The following MARCHF1 variants were observed in gnomAD, a reference collection of about 807,000 sequenced individuals.
MARCHF1 encodes E3 ubiquitin-protein ligase MARCHF1.
Under a neutral mutation model 54.2 loss-of-function variants are expected in MARCHF1, and 40 were observed. The ratio of observed to expected loss-of-function variants is 0.74; its 90% CI spans 0.57 to 0.96. The LOEUF is 0.96. Ranked by LOEUF, MARCHF1 falls within the 40% of genes least tolerant of loss-of-function variation. The pLI is 0.00. For missense variants in MARCHF1, 586 were observed against 656.5 expected, an observed-to-expected ratio of 0.89 and a Z score of 1.17; for synonymous variants, 236 against 236.3, an observed-to-expected ratio of 1.00 and a Z score of 0.01.
intron 1 of MARCHF1, among the ~76,000 whole-genome samples, chr4:164,346,146 T>C (rs1397335166): frequency 6.6e-6 from 1 of 152,196 alleles, no homozygotes; most frequent in Non-Finnish European, 1.5e-5. Context: ...GAACTGAGAC[T>C]TTGTTCTCAT....
chr4:163,619,677 TA>T (rs1560978093), intron 5 of MARCHF1, among the ~76,000 whole-genome samples: 1 of 151,928 alleles, frequency 6.6e-6, no homozygotes, highest in Non-Finnish European at 1.5e-5. Context: ...GGTAGGTTAT[TA>T]AAAAAATGGC....
In MARCHF1 at chr4:164,208,910, A is replaced by G. The variant is rs183232512; in HGVS notation, c.-322-97248T>C. Among the ~76,000 whole-genome samples the G allele has an allele frequency of 9.2e-5, 14 of 151,514 alleles. No individual in the cohort carries two copies. The East Asian group carries it at 1.2e-3, about 13-fold the overall frequency. On this transcript the variant is annotated intron_variant, in intron 1 of 9. Coordinates refer to ENST00000514618, the MANE Select transcript of MARCHF1 (RefSeq NM_001394959.1). ...GGTTGCAGTGAGCTGAGATCATACT[A>G]CTCTAGTTTAGGCAACAGAGTAATA...
chr4:164,299,868 C>A (rs10471093), intron 1 of MARCHF1, among the ~76,000 whole-genome samples: 4,687 of 152,150 alleles, frequency 0.031, 251 homozygotes, highest in African/African-American at 0.11. Flanking sequence ...ATTATGGATT[C>A]TTTTCTATAA....
chr4:163,755,920 T>A (rs1040821818), intron 4 of MARCHF1, among the ~76,000 whole-genome samples: 1 of 152,192 alleles, frequency 6.6e-6, no homozygotes, highest in African/African-American at 2.4e-5. Flanking sequence ...TGAACTCAAA[T>A]TACTGGGCTT....
Position 163,621,908 on chromosome 4 carries a change from T to A in MARCHF1, c.163-8515A>T, listed in dbSNP as rs1156417703. On this transcript the variant is annotated intron_variant, in intron 5 of 9. Coordinates refer to ENST00000514618, the MANE Select transcript of MARCHF1 (RefSeq NM_001394959.1). ...AGCACGACTCTTGTTCTTCCCTTCC[T>A]GGGAGGACTATGTGCCTTTCAGGCC... 2.6e-5 allele frequency among the ~76,000 whole-genome samples: 4 copies of A among 152,236 alleles called. No individual in the cohort carries two copies. The South Asian group carries it at 8.3e-4, about 32-fold the overall frequency.
chr4:164,264,533 G>T (rs532317507), intron 1 of MARCHF1, among the ~76,000 whole-genome samples: 1 of 151,894 alleles, frequency 6.6e-6, no homozygotes, highest in East Asian at 1.9e-4. Context: ...CTGGTAATAT[G>T]TAATATGAAA....
intron 1 of MARCHF1, among the ~76,000 whole-genome samples, chr4:164,161,545 T>G (rs6419309): frequency 0.033 from 4,914 of 150,826 alleles, 214 homozygotes; most frequent in African/African-American, 0.1. Flanking sequence ...ATCATCATCA[T>G]CAGCAGCAGC....
At chr4:164,193,955 A>G (rs998328879) in intron 1 of MARCHF1, among the ~76,000 whole-genome samples, 10 of 152,342 alleles carry the variant, frequency 6.6e-5, no homozygotes, top group Middle Eastern at 6.8e-3. Context: ...TAGGGCTTTT[A>G]GCACATTCTA....
chr4:163,954,443 C>G (rs544043882), intron 3 of MARCHF1, among the ~76,000 whole-genome samples: 1 of 151,874 alleles, frequency 6.6e-6, no homozygotes, highest in South Asian at 2.1e-4. Flanking sequence ...TTTAGAGATG[C>G]GTAAAAACAA....
At chr4:163,624,996 A>G (rs545637792) in intron 5 of MARCHF1, among the ~76,000 whole-genome samples, 5 of 152,212 alleles carry the variant, frequency 3.3e-5, no homozygotes, top group Non-Finnish European at 7.3e-5. Context: ...CAAATTAAAT[A>G]CAAAAGACCA....
chr4:163,672,389 A>G (rs1489282605), intron 5 of MARCHF1, among the ~76,000 whole-genome samples: 1 of 152,112 alleles, frequency 6.6e-6, no homozygotes, highest in African/African-American at 2.4e-5. Flanking sequence ...CTTGGTGTGA[A>G]GCTCTTTAAA....
intron 4 of MARCHF1, among the ~76,000 whole-genome samples, chr4:163,737,060 C>T (rs1454492607): frequency 6.6e-6 from 1 of 151,804 alleles, no homozygotes; most frequent in Non-Finnish European, 1.5e-5. Flanking sequence ...GTTTGCCAGG[C>T]CTCAAAGTAG....
chr4:163,803,818 G>A (rs1028734556), intron 4 of MARCHF1, among the ~76,000 whole-genome samples: 1 of 151,766 alleles, frequency 6.6e-6, no homozygotes, highest in African/African-American at 2.4e-5. Flanking sequence ...TTTCTATATC[G>A]GTATATTCTT....
At chr4:164,274,345 A>T (rs776001281) in intron 1 of MARCHF1, among the ~76,000 whole-genome samples, 21 of 152,210 alleles carry the variant, frequency 1.4e-4, no homozygotes, top group Non-Finnish European at 3.1e-4. Context: ...TTCAATATCT[A>T]TATCAAAAAT....
At chr4:164,283,122 C>T (rs752135778) in intron 1 of MARCHF1, among the ~76,000 whole-genome samples, 1 of 151,200 alleles carries the variant, frequency 6.6e-6, no homozygotes, top group Non-Finnish European at 1.5e-5. Flanking sequence ...CCAATCCTTA[C>T]TACATCCCCA....
At chr4:163,713,135 G>A (rs994729173) in intron 4 of MARCHF1, among the ~76,000 whole-genome samples, 4 of 151,910 alleles carry the variant, frequency 2.6e-5, no homozygotes, top group African/African-American at 7.2e-5. Flanking sequence ...TTGCACCCTA[G>A]ATAAGAATTT....
At chr4:164,107,832 T>C (rs1755740695) in intron 2 of MARCHF1, among the ~76,000 whole-genome samples, 2 of 152,020 alleles carry the variant, frequency 1.3e-5, no homozygotes, top group Admixed American at 1.3e-4. Flanking sequence ...AAAAAGAGAA[T>C]AGGTTTGAGA....
chr4:163,716,013 T>C (rs1441972151), intron 4 of MARCHF1, among the ~76,000 whole-genome samples: 1 of 152,200 alleles, frequency 6.6e-6, no homozygotes, highest in Non-Finnish European at 1.5e-5. Context: ...AAGATGGATA[T>C]GTGCTGTCAT....
intron 4 of MARCHF1, among the ~76,000 whole-genome samples, chr4:163,838,637 C>T (rs1287829324): frequency 6.6e-6 from 1 of 151,946 alleles, no homozygotes; most frequent in African/African-American, 2.4e-5. Context: ...GTACAAGGGC[C>T]AAGATAATTG....
Sources: allele counts gnomAD v4.1 joint callset (sites outside exome capture counted in the v4.1 genomes callset), GRCh38; gene constraint gnomAD v4.1.1; transcripts MANE v1.5; gene names NCBI Gene and HGNC (gene_info 2026-07-23, HGNC 2026-07-21).